CNTNAP2: variants seen among roughly 807,000 people sequenced by gnomAD.
CNTNAP2 encodes the protein contactin associated protein 2, also known as contactin-associated protein-like 2.
A neutral mutation model predicts 155.2 loss-of-function variants in CNTNAP2; 98 were observed. The ratio of observed to expected loss-of-function variants is 0.63; its 90% CI spans 0.54 to 0.75. The LOEUF is 0.75. CNTNAP2 is among the 30% of genes least tolerant of loss of function. The pLI is 0.00. For missense variants in CNTNAP2, 1,727 were observed against 1,688.1 expected (o/e 1.02, Z -0.40); for synonymous variants, 651 against 631.2 (o/e 1.03, Z -0.47).
At chr7:147,545,982 T>C (rs922038762) in intron 11 of CNTNAP2, among the ~76,000 whole-genome samples, 72 of 152,214 alleles carry the variant, frequency 4.7e-4, no homozygotes, top group African/African-American at 1.6e-3. Context: ...CCTGCCGCCA[T>C]GTAAGATGTG....
At chr7:147,246,521 C>T in intron 8 of CNTNAP2, among the ~76,000 whole-genome samples, 1 of 152,088 alleles carries the variant, frequency 6.6e-6, no homozygotes, top group South Asian at 2.1e-4. Context: ...TTGCTGTGTC[C>T]TCATACGATG....
chr7:147,560,163 C>T (rs1207809874), intron 11 of CNTNAP2, among the ~76,000 whole-genome samples: 22 of 40,590 alleles, frequency 5.4e-4, no homozygotes, highest in Admixed American at 1.4e-3. Flanking sequence ...AACGAAACTC[C>T]GTCTCAAAAA....
At chr7:146,932,615 G>C (rs1235964839) in intron 3 of CNTNAP2, among the ~76,000 whole-genome samples, 1 of 152,010 alleles carries the variant, frequency 6.6e-6, no homozygotes, top group Non-Finnish European at 1.5e-5. Context: ...GGAAATAAAG[G>C]GTATTCAATT....
intron 1 of CNTNAP2, among the ~76,000 whole-genome samples, chr7:146,574,601 T>C (rs1798494649): frequency 6.6e-6 from 1 of 152,118 alleles, no homozygotes; most frequent in Non-Finnish European, 1.5e-5. Context: ...CTCGGGAGGC[T>C]GAGGCAGGAG....
At chr7:147,324,153 GAAGT>G (rs545419889) in intron 9 of CNTNAP2, among the ~76,000 whole-genome samples, 2 of 152,108 alleles carry the variant, frequency 1.3e-5, no homozygotes, top group South Asian at 4.1e-4. Flanking sequence ...GGCTTGAAAA[GAAGT>G]AAGGTGTATT....
At chr7:147,721,098 G>A (rs1796560401) in intron 13 of CNTNAP2, among the ~76,000 whole-genome samples, 1 of 152,092 alleles carries the variant, frequency 6.6e-6, no homozygotes, top group South Asian at 2.1e-4. Context: ...CTAAGACATA[G>A]TGTCTTACCT....
chr7:147,812,322 T>C (rs1191196870), intron 13 of CNTNAP2, among the ~76,000 whole-genome samples: 2 of 152,178 alleles, frequency 1.3e-5, no homozygotes, highest in Non-Finnish European at 1.5e-5. Flanking sequence ...TTTAAGGAAA[T>C]TTATTTTTGC....
intron 1 of CNTNAP2, among the ~76,000 whole-genome samples, chr7:146,316,669 G>C (rs1325915648): frequency 4.3e-4 from 65 of 152,232 alleles, no homozygotes; most frequent in Non-Finnish European, 6.6e-4. Context: ...ACGTCCATAA[G>C]ATACGTTTAC....
At chr7:147,317,812 A>ATATG (rs1563158338) in intron 9 of CNTNAP2, among the ~76,000 whole-genome samples, 4 of 147,954 alleles carry the variant, frequency 2.7e-5, no homozygotes, top group South Asian at 2.1e-4. Flanking sequence ...ATGTATATAT[A>ATATG]TGTGTGTGTG....
intron 15 of CNTNAP2, among the ~76,000 whole-genome samples, chr7:147,986,851 GT>G (rs1321115965): frequency 6.9e-6 from 1 of 144,298 alleles, no homozygotes; most frequent in African/African-American, 2.6e-5. Flanking sequence ...GATGACTTCT[GT>G]TTTTTTGTTA....
chr7:148,383,695 A>G lies in CNTNAP2; in HGVS notation c.3522A>G (p.Gly1174=), dbSNP rs141078449. 6.2e-7 allele frequency: 1 copy of G among 1,614,106 alleles called. No individual in the cohort carries two copies. The highest frequency in any genetic ancestry group is 8.5e-7 in the Non-Finnish European group (1 of 1,180,042). ...AGATTCACAAATACAACACCCCAGG[A>G]TTCACTGGTTGCCTCTCCAGAGTCC... The part of the protein sequence containing the change: ...DQEIHKYNTP[G]FTGCLSRVQF... The change falls in exon 22 of 24, where the codon GGA becomes GGG. Residue 1174 remains glycine (G), a synonymous_variant. Transcript: ENST00000361727.
At chr7:146,400,140 G>A (rs1718074) in intron 1 of CNTNAP2, among the ~76,000 whole-genome samples, 6 of 151,700 alleles carry the variant, frequency 4.0e-5, no homozygotes, top group African/African-American at 9.7e-5. Flanking sequence ...CTACCATAGC[G>A]AACCAACAAT....
At chr7:147,400,586 GA>G (rs1442651462) in intron 10 of CNTNAP2, among the ~76,000 whole-genome samples, 3 of 152,096 alleles carry the variant, frequency 2.0e-5, no homozygotes, top group African/African-American at 7.2e-5. Context: ...TCAGTCCTAA[GA>G]GCACTCTTCA....
At chr7:147,120,924 A>G in intron 5 of CNTNAP2, 55 bp from the exon 6 acceptor site, 1 of 1,521,152 alleles carries the variant, frequency 6.6e-7, no homozygotes, top group Non-Finnish European at 9.1e-7. Flanking sequence ...CTTCTGCTTC[A>G]CAGAGTTGGC....
chr7:148,306,145 T>C (rs1029913870), intron 21 of CNTNAP2, among the ~76,000 whole-genome samples: 10 of 152,228 alleles, frequency 6.6e-5, no homozygotes, highest in African/African-American at 2.2e-4. Context: ...TTGAAGGAAT[T>C]TGTCTATTGT....
chr7:147,416,607 G>A (rs1584936409), intron 10 of CNTNAP2, among the ~76,000 whole-genome samples: 1 of 152,220 alleles, frequency 6.6e-6, no homozygotes, highest in Non-Finnish European at 1.5e-5. Context: ...TCGTTGGCTC[G>A]ATTTATCTTT....
chr7:146,507,613 C>T (rs1797404088), intron 1 of CNTNAP2, among the ~76,000 whole-genome samples: 1 of 152,110 alleles, frequency 6.6e-6, no homozygotes, highest in South Asian at 2.1e-4. Flanking sequence ...TTAATGATGG[C>T]CTCTGGTATG....
At chr7:146,544,923 T>G (rs1171891835) in intron 1 of CNTNAP2, among the ~76,000 whole-genome samples, 2 of 151,912 alleles carry the variant, frequency 1.3e-5, no homozygotes, top group South Asian at 2.1e-4. Context: ...ACCTGCCATC[T>G]GGACTAGAGG....
intron 1 of CNTNAP2, among the ~76,000 whole-genome samples, chr7:146,245,079 A>G (rs1377670206): frequency 6.6e-6 from 1 of 152,188 alleles, no homozygotes; most frequent in African/African-American, 2.4e-5. Context: ...GGCTTGTACT[A>G]TAGCATAGCC....
Sources: allele counts gnomAD v4.1 joint callset (sites outside exome capture counted in the v4.1 genomes callset), GRCh38; gene constraint gnomAD v4.1.1; transcripts MANE v1.5; gene names NCBI Gene and HGNC (gene_info 2026-07-23, HGNC 2026-07-21).